TMEM184A: variants seen among roughly 807,000 people sequenced by gnomAD.
The protein encoded by TMEM184A is transmembrane protein 184A, also known as sexually dimorphic, expressed in male gonads 1.
A neutral mutation model predicts 39.5 loss-of-function variants in TMEM184A; 40 were observed. The ratio of observed to expected loss-of-function variants is 1.01; its 90% CI spans 0.79 to 1.32. TMEM184A has a LOEUF of 1.32. TMEM184A is among the 40% of genes most tolerant of loss of function. TMEM184A has a pLI of 0.00. For missense variants in TMEM184A, 603 were observed against 568.8 expected, an observed-to-expected ratio of 1.06 and a Z score of -0.61; for synonymous variants, 280 against 252.3, an observed-to-expected ratio of 1.11 and a Z score of -1.04.
chr7:1,555,544 C>T lies in TMEM184A; in HGVS notation c.1-60G>A. 3.0e-6 allele frequency: 4 copies of T among 1,315,156 alleles called. No individual in the cohort carries two copies. The highest frequency in any genetic ancestry group is 1.2e-5 in the South Asian group (1 of 85,164). 81.5% of individuals were successfully genotyped at this position (1,315,156 alleles called of 1,614,324 possible). ...TGAGGGCAAAGGTACTGGCTCCCGG[C>T]AGCAGGAAGCAGCGGGGGAGGGAGG... On this transcript the variant is annotated intron_variant, in intron 1 of 8. Transcript: ENST00000297477. This position sits in a 1 kb window ranked among gnomAD's most constrained non-coding sequence, Gnocchi z 5.2.
In TMEM184A at chr7:1,547,854, C is replaced by G; in HGVS notation, c.900G>C (p.Leu300=). The change falls in exon 8 of 9, where the codon CTG becomes CTC. Residue 300 remains leucine (L), a synonymous_variant. Coordinates refer to ENST00000297477, the MANE Select transcript of TMEM184A (RefSeq NM_001097620.2). ...SGGNKLGAGT[L]AAGYQNFIIC... ...TGATGAAGTTCTGGTAGCCGGCGGC[C>G]AGCGTGCCAGCCCCCAGCTTGTTCC... The G allele has an allele frequency of 6.2e-7, 1 of 1,606,428 alleles. No individual in the cohort carries two copies. Among genetic ancestry groups the G allele is most frequent in the Non-Finnish European group, 8.5e-7 (1 of 1,176,956 alleles).
rs370340299 is a variant in TMEM184A at position 1,548,598 on chromosome 7, G to T, written c.735C>A (p.Thr245=). 6.2e-7 allele frequency: 1 copy of T among 1,613,944 alleles called. No homozygotes were observed. ...GCTGGAAGGGCCGCAGGAGCTCCCT[G>T]GTGGTGAAGTAGAAGAGGAACAGGG... ...LYALFLFYFT[T]RELLRPFQPV... is the part of the protein sequence containing the mutation. The change falls in exon 7 of 9, where the codon ACC becomes ACA. Residue 245 remains threonine (T), a synonymous_variant. Transcript: ENST00000297477.
Position 1,550,818 on chromosome 7 carries a change from T to G in TMEM184A, c.384A>C (p.Glu128Asp), listed in dbSNP as rs769583970. 3.1e-6 allele frequency: 5 copies of G among 1,612,720 alleles called. No individual in the cohort carries two copies. The South Asian group carries it at 3.3e-5, about 11-fold the overall frequency. ...GACCTGACGCAGCCTGGCGCCCACCTTCGTAGCAGTCCCGCACAGAGTCGA... is the reference window on the plus strand; with the variant it reads ...GACCTGACGCAGCCTGGCGCCCACCGTCGTAGCAGTCCCGCACAGAGTCGA... The part of the protein sequence containing the change: ...VYFDSVRDCY[E>D]AFVIYSFLSL... The change falls in exon 3 of 9, where the codon GAA becomes GAC. Residue 128 changes from glutamate (E) to aspartate (D), a missense_variant and splice_region_variant. By Grantham distance (45) the Glu-to-Asp change is conservative. Coordinates refer to ENST00000297477, the MANE Select transcript of TMEM184A (RefSeq NM_001097620.2).
At chr7:1,549,701 G>A (rs1784508046) in intron 6 of TMEM184A, 153 bp downstream of exon 6, 8 of 755,452 alleles carry the variant, frequency 1.1e-5, no homozygotes, top group Non-Finnish European at 1.9e-5. Flanking sequence ...GGCCCCAGGG[G>A]ACCCAGTGCC....
In TMEM184A at chr7:1,547,731, G is replaced by T. The variant is rs961815648; in HGVS notation, c.1012+11C>A. ...GCGCTCCGGGTGCCCCAGCTGGAAG[G>T]CAGGGTGTACCTGGTGAATTCTCCT... On this transcript the variant is annotated intron_variant, in intron 8 of 8. Transcript: ENST00000297477. 18 of 1,609,344 alleles carry T rather than the reference G, an allele frequency of 1.1e-5. No individual in the cohort carries two copies. Among genetic ancestry groups the T allele is most frequent in the Non-Finnish European group, 1.4e-5 (17 of 1,178,364 alleles).
At position 1,550,320 on chromosome 7, in the gene TMEM184A, C is replaced by T. The variant is rs201867640; in HGVS notation, c.461G>A (p.Arg154His). Residue 154 changes from arginine to histidine, a missense_variant, in exon 4 of 9, where the codon CGT (arginine) becomes CAT (histidine). By Grantham distance (29) the Arg-to-His change is conservative. Transcript: ENST00000297477. ...GGEGAIMAEI[R>H]GKPIKSSCLY... ...ACGGGCTTACTTGATGGGCTTTCCA[C>T]GAATCTCAGCCATGATGGCGCCCTC... 9.9e-5 allele frequency: 160 copies of T among 1,612,886 alleles called. No homozygotes were observed. The Admixed American group carries it at 2.4e-3, about 25-fold the overall frequency.
chr7:1,549,771 T>C (rs1451636669), intron 6 of TMEM184A, 83 bp downstream of exon 6: 1 of 1,290,030 alleles, frequency 7.8e-7, no homozygotes, highest in Non-Finnish European at 1.1e-6. Flanking sequence ...GGACGCCAAG[T>C]CCGCCTCGTT....
chr7:1,551,951 A>G (rs184586773), intron 2 of TMEM184A, among the ~76,000 whole-genome samples: 124 of 149,830 alleles, frequency 8.3e-4, no homozygotes, highest in Non-Finnish European at 1.6e-3. Flanking sequence ...AAAAAAAAAT[A>G]TTTTTTTGAG....
Position 1,548,625 on chromosome 7 carries a change from G to A in TMEM184A, c.708C>T (p.Tyr236=), listed in dbSNP as rs532306357. 410 of 1,613,978 alleles carry A rather than the reference G, an allele frequency of 2.5e-4. 5 individuals are homozygous for A. The South Asian group carries it at 2.6e-3, about 10-fold the overall frequency. Residue 236 remains tyrosine (Y), a synonymous_variant, in exon 7 of 9, where the codon TAC becomes TAT. Transcript: ENST00000297477. ...IYNASVSLAL[Y]ALFLFYFTTR... ...TGGTGAAGTAGAAGAGGAACAGGGC[G>A]TAGAGGGCGAGGCTGACGGAGGCGT...
Position 1,544,018 on chromosome 7 carries a change from A to T in TMEM184A, c.*2934T>A, listed in dbSNP as rs1347959958. The T allele has an allele frequency of 6.6e-6, 1 of 152,198 alleles. No individual in the cohort carries two copies. Among genetic ancestry groups the T allele is most frequent in the African/African-American group, 2.4e-5 (1 of 41,396 alleles). The allele number at this position is 152,198 out of a possible 1,614,324, so 9.4% of individuals were successfully genotyped here. ...TTCCTGTGAGTTGGGTGTGGAGGTG[A>T]GTGTGCAACAGCTGGCACATAGCGC... On this transcript the variant is annotated 3_prime_UTR_variant, in exon 9 of 9. Coordinates refer to ENST00000297477, the MANE Select transcript of TMEM184A (RefSeq NM_001097620.2).
At chr7:1,549,201 G>A (rs769290080) in intron 6 of TMEM184A, 45 of 456,028 alleles carry the variant, frequency 9.9e-5, no homozygotes, top group Middle Eastern at 5.0e-4. Flanking sequence ...CACGGTTTGC[G>A]CATGTGCTGT....
At chr7:1,548,355 C>G (rs1460898899) in intron 7 of TMEM184A, among the ~76,000 whole-genome samples, 164 bp downstream of exon 7, 7 of 152,222 alleles carry the variant, frequency 4.6e-5, no homozygotes, top group Non-Finnish European at 1.0e-4. Context: ...GACCTCTCCA[C>G]TCCCTCATGC....
chr7:1,548,562 C>T lies in TMEM184A; in HGVS notation c.771G>A (p.Lys257=). The change falls in exon 7 of 9, where the codon AAG becomes AAA. Residue 257 remains lysine (K), a synonymous_variant. Transcript: ENST00000297477. ...AGATGACGGCTTTGATGGTGAGGAA[C>T]TTGAGGACGGGCTGGAAGGGCCGCA... ...ELLRPFQPVL[K]FLTIKAVIFL... The T allele has an allele frequency of 6.2e-7, 1 of 1,613,720 alleles. No homozygotes were observed. The highest frequency in any genetic ancestry group is 2.2e-5 in the East Asian group (1 of 44,882).
At position 1,555,457 on chromosome 7, in the gene TMEM184A, T is replaced by C. The variant is rs763256919; in HGVS notation, c.28A>G (p.Thr10Ala). The stretch of plus-strand genomic sequence containing the variant: ...GCTGACACCAGGGGGACGCCGGCTG[T>C]CTCCAGGATCCCTGAGACATTACTC... MSNVSGILE[T>A]AGVPLVSANW... Residue 10 changes from threonine to alanine, a missense_variant, in exon 2 of 9, where the codon ACA (threonine) becomes GCA (alanine). Thr to Ala is a moderately conservative substitution (Grantham distance 58, BLOSUM62 0). Transcript: ENST00000297477. This position sits in a 1 kb window ranked among gnomAD's most constrained non-coding sequence, Gnocchi z 5.2. 5.4e-5 allele frequency: 87 copies of C among 1,608,204 alleles called. No individual in the cohort carries two copies. Among genetic ancestry groups the C allele is most frequent in the Non-Finnish European group, 7.0e-5 (82 of 1,179,620 alleles).
In TMEM184A at chr7:1,547,925, T is replaced by C. The variant is rs1263906220; in HGVS notation, c.829A>G (p.Ile277Val). The C allele has an allele frequency of 6.3e-7, 1 of 1,576,974 alleles. No homozygotes were observed. Among genetic ancestry groups the C allele is most frequent in the Non-Finnish European group, 8.6e-7 (1 of 1,162,506 alleles). The change falls in exon 8 of 9, where the codon ATC becomes GTC. Residue 277 changes from isoleucine (I) to valine (V), a missense_variant. Coordinates refer to ENST00000297477, the MANE Select transcript of TMEM184A (RefSeq NM_001097620.2). The part of the protein sequence containing the change: ...LSFWQGLLLA[I>V]LERCGVIPEV... ...GGGATGACCCCGCACCGCTCCAGGATGGCCAGCAGCAGCCCTGCGGACGCC... is the reference window on the plus strand; with the variant it reads ...GGGATGACCCCGCACCGCTCCAGGACGGCCAGCAGCAGCCCTGCGGACGCC...
In TMEM184A at chr7:1,555,624, C is replaced by A. The variant is rs376195141; in HGVS notation, c.1-140G>T. On this transcript the variant is annotated intron_variant, in intron 1 of 8. Transcript: ENST00000297477. The surrounding 1 kb of genome is among the most constrained non-coding windows in gnomAD (Gnocchi z 5.2). ...CACCCACCAGGCCGCACCCCCCACA[C>A]GGACACCAGCGCCAGGCCCGGCTCC... The A allele has an allele frequency of 1.4e-6, 1 of 699,218 alleles. No homozygotes were observed. Among genetic ancestry groups the A allele is most frequent in the African/African-American group, 1.8e-5 (1 of 56,350 alleles). 43.3% of individuals were successfully genotyped at this position (699,218 alleles called of 1,614,324 possible). A position where few individuals can be genotyped will look rare whatever the true frequency, so the allele number is the denominator to read the frequency against.
Position 1,546,898 on chromosome 7 carries a change from T to A in TMEM184A, c.*54A>T. 2 of 1,275,210 alleles carry A rather than the reference T, an allele frequency of 1.6e-6. No homozygotes were observed. Among genetic ancestry groups the A allele is most frequent in the Non-Finnish European group, 2.1e-6 (2 of 950,014 alleles). The allele number at this position is 1,275,210 out of a possible 1,614,324, so 79.0% of individuals were successfully genotyped here. A position where few individuals can be genotyped will look rare whatever the true frequency, so the allele number is the denominator to read the frequency against. On this transcript the variant is annotated 3_prime_UTR_variant, in exon 9 of 9. Transcript: ENST00000297477. ...TTGGTGGGTGGGGGGACCCTGTTCT[T>A]CCCCAGAGGCCTGGGCAGCCTGGGT...
At position 1,550,819 on chromosome 7, in the gene TMEM184A, T is replaced by C. The variant is rs775564112; in HGVS notation, c.383A>G (p.Glu128Gly). ...ACCTGACGCAGCCTGGCGCCCACCT[T>C]CGTAGCAGTCCCGCACAGAGTCGAA... ...VYFDSVRDCY[E>G]AFVIYSFLSL... Residue 128 changes from glutamate (E) to glycine (G), a missense_variant and splice_region_variant, in exon 3 of 9, where the codon GAA (glutamate) becomes GGA (glycine). By Grantham distance (98) the Glu-to-Gly change is moderately conservative (BLOSUM62 -2). Transcript: ENST00000297477. The C allele has an allele frequency of 5.0e-6, 8 of 1,612,720 alleles. No homozygotes were observed. In the Admixed American group the frequency reaches 1.2e-4, roughly 24 times the overall value.
rs946489647 is a variant in TMEM184A, at chr7:1,555,180, C to T, written c.219+86G>A. ...CCACTTCTGACAGCGTCTATAGCAG[C>T]GGCACCCAGGGGGACCGGGCTGAGC... On this transcript the variant is annotated intron_variant, in intron 2 of 8. Transcript: ENST00000297477. This position sits in a 1 kb window ranked among gnomAD's most constrained non-coding sequence, Gnocchi z 5.2. 5 of 1,145,206 alleles carry T rather than the reference C, an allele frequency of 4.4e-6. No individual in the cohort carries two copies. The highest frequency in any genetic ancestry group is 3.1e-5 in the African/African-American group (2 of 64,046). 70.9% of individuals were successfully genotyped at this position (1,145,206 alleles called of 1,614,324 possible).
Sources: gnomAD v4.1 joint callset for allele counts (sites outside exome capture counted in the v4.1 genomes callset) on GRCh38, gnomAD v4.1.1 for gene constraint, Gnocchi (gnomAD v3.1) non-coding constraint, MANE v1.5 for transcripts, NCBI Gene and HGNC (gene_info 2026-07-23, HGNC 2026-07-21) for gene names.